The following PTPN11 variants were observed in gnomAD, a reference collection of about 807,000 sequenced individuals.
The protein encoded by PTPN11 is tyrosine-protein phosphatase non-receptor type 11.
A neutral mutation model predicts 78.8 loss-of-function variants in PTPN11; 6 were observed. The ratio of observed to expected loss-of-function variants is 0.08; its 90% CI spans 0.04 to 0.15. The LOEUF is 0.15. Ranked by LOEUF, PTPN11 falls within the 10% of genes least tolerant of loss-of-function variation. The pLI, the probability that PTPN11 is intolerant of heterozygous loss-of-function variation, is 1.00. For synonymous variants in PTPN11, 221 were observed against 263.5 expected (o/e 0.84, Z 1.56); for missense variants, 386 against 744.8 (o/e 0.52, Z 5.61).
At position 112,427,061 on chromosome 12, in the gene PTPN11, G is replaced by A. The variant is rs146628426; in HGVS notation, c.14+7936G>A. Among the ~76,000 whole-genome samples, 807 of 152,182 alleles carry A rather than the reference G, an allele frequency of 5.3e-3. 4 individuals are homozygous for A. The highest frequency in any genetic ancestry group is 7.2e-3 in the Non-Finnish European group (491 of 67,998). ...GGAGTTTGAGACCAGCCTGGGTAAC[G>A]TGGGTGAAACCCTGTCTCTACAGAA... On this transcript the variant is annotated intron_variant, in intron 1 of 15. Transcript: ENST00000351677.
intron 6 of PTPN11, among the ~76,000 whole-genome samples, chr12:112,468,718 G>C (rs1325310479): frequency 6.6e-6 from 1 of 152,160 alleles, no homozygotes; most frequent in Non-Finnish European, 1.5e-5. Context: ...ACTGTGCACT[G>C]TTCAAGCCCC....
chr12:112,443,544 C>T (rs1056636721), intron 1 of PTPN11, among the ~76,000 whole-genome samples: 4 of 151,802 alleles, frequency 2.6e-5, no homozygotes, highest in African/African-American at 4.8e-5. Flanking sequence ...TTTTGTGAGA[C>T]GGGGTTTTGC....
At position 112,482,219 on chromosome 12, in the gene PTPN11, C is replaced by T. The variant is rs753503799; in HGVS notation, c.1224+14C>T. 2.2e-5 allele frequency: 35 copies of T among 1,610,810 alleles called. No individual in the cohort carries two copies. Among genetic ancestry groups the T allele is most frequent in the Middle Eastern group, 1.6e-4 (1 of 6,066 alleles). Reference sequence around the variant, plus strand: ...AAGGTTGGACAAGTAAGTATATTGTCGTATTCTAGAGACTTTGGGAACTGT... The same window carrying T: ...AAGGTTGGACAAGTAAGTATATTGTTGTATTCTAGAGACTTTGGGAACTGT... On this transcript the variant is annotated intron_variant, in intron 10 of 15. Transcript: ENST00000351677. The surrounding 1 kb of genome is among the most constrained non-coding windows in gnomAD (Gnocchi z 4.4).
intron 13 of PTPN11, among the ~76,000 whole-genome samples, chr12:112,495,862 G>GTATTGCT (rs2038807381): frequency 6.6e-6 from 1 of 152,112 alleles, no homozygotes; most frequent in Non-Finnish European, 1.5e-5. Flanking sequence ...CAGAAGGGTT[G>GTATTGCT]TATTGCTTTT....
chr12:112,504,737 G>A lies in PTPN11; in HGVS notation c.1755G>A (p.Leu585=), dbSNP rs747217473. 2 of 1,594,052 alleles carry A rather than the reference G, an allele frequency of 1.3e-6. No individual in the cohort carries two copies. The highest frequency in any genetic ancestry group is 3.3e-5 in the Admixed American group (2 of 59,982). The change falls in exon 15 of 16, where the codon CTG becomes CTA. Residue 585 remains leucine, a synonymous_variant. Transcript: ENST00000351677. The surrounding 1 kb of genome is among the most constrained non-coding windows in gnomAD (Gnocchi z 4.7). ...CTAGAGTCTATGAAAACGTGGGCCT[G>A]ATGCAACAGCAGAAAAGTTTCAGAT... ...DSARVYENVG[L]MQQQKSFR
intron 6 of PTPN11, among the ~76,000 whole-genome samples, chr12:112,458,869 C>G (rs1180898768): frequency 1.3e-5 from 2 of 151,958 alleles, no homozygotes; most frequent in African/African-American, 4.8e-5. Context: ...CCCGTCTCTA[C>G]AAAAAATACA....
Position 112,509,621 on chromosome 12 carries a change from T to C in PTPN11, c.*3829T>C, listed in dbSNP as rs1452264753. Reference sequence around the variant, plus strand: ...TGTCATCATTTTGATGTGAATCATGTAAATGTTGATAATATGCTGTTTATT... The same window carrying C: ...TGTCATCATTTTGATGTGAATCATGCAAATGTTGATAATATGCTGTTTATT... On this transcript the variant is annotated 3_prime_UTR_variant, in exon 16 of 16. Coordinates refer to ENST00000351677, the MANE Select transcript of PTPN11 (RefSeq NM_002834.5). 1 of 152,680 alleles carries C rather than the reference T, an allele frequency of 6.5e-6. No individual in the cohort carries two copies. Among genetic ancestry groups the C allele is most frequent in the Non-Finnish European group, 1.5e-5 (1 of 68,054 alleles). The allele number at this position is 152,680 out of a possible 1,614,324, so 9.5% of individuals were successfully genotyped here. A position where few individuals can be genotyped will look rare whatever the true frequency, so the allele number is the denominator to read the frequency against.
At chr12:112,467,247 CT>C (rs2038344235) in intron 6 of PTPN11, among the ~76,000 whole-genome samples, 1 of 152,076 alleles carries the variant, frequency 6.6e-6, no homozygotes, top group Non-Finnish European at 1.5e-5. Flanking sequence ...CTGTGGATAC[CT>C]TTTAATAGTT....
chr12:112,463,022 C>T (rs2038272235), intron 6 of PTPN11, among the ~76,000 whole-genome samples: 1 of 152,056 alleles, frequency 6.6e-6, no homozygotes, highest in African/African-American at 2.4e-5. Context: ...AACCTTTTAG[C>T]ATAACATTTG....
At chr12:112,445,832 GT>G (rs2037985398) in intron 1 of PTPN11, among the ~76,000 whole-genome samples, 1 of 151,740 alleles carries the variant, frequency 6.6e-6, no homozygotes, top group African/African-American at 2.4e-5. Context: ...GTAGAGATGG[GT>G]TTCTCCATGT....
Position 112,455,995 on chromosome 12 carries a change from G to A in PTPN11, c.688G>A (p.Val230Ile), listed in dbSNP as rs1239878972. 2 of 1,612,888 alleles carry A rather than the reference G, an allele frequency of 1.2e-6. No individual in the cohort carries two copies. The highest frequency in any genetic ancestry group is 1.7e-5 in the Admixed American group (1 of 59,966). ...RINAAEIESR[V>I]RELSKLAETT... ...AAATGCTGCTGAAATAGAAAGCAGA[G>A]TTCGAGAACTAAGCAAATTAGCTGA... is the stretch of plus-strand genomic sequence containing the variant. The change falls in exon 6 of 16, where the codon GTT becomes ATT. Residue 230 changes from valine to isoleucine, a missense_variant. Physicochemically the swap from Val to Ile is conservative, Grantham distance 29. Transcript: ENST00000351677.
At chr12:112,427,765 T>G (rs974999227) in intron 1 of PTPN11, among the ~76,000 whole-genome samples, 1 of 151,928 alleles carries the variant, frequency 6.6e-6, no homozygotes, top group Non-Finnish European at 1.5e-5. Context: ...TTATTTATTT[T>G]TTTTGAGACA....
At chr12:112,450,086 CAA>C (rs369558589) in intron 2 of PTPN11, among the ~76,000 whole-genome samples, 31 of 91,986 alleles carry the variant, frequency 3.4e-4, no homozygotes, top group Admixed American at 3.5e-4. Context: ...AACTCCATCT[CAA>C]AAAAAAAAAA....
In PTPN11 at chr12:112,482,132, G is replaced by A. The variant is rs2135906820; in HGVS notation, c.1151G>A (p.Arg384His). 1.2e-6 allele frequency: 2 copies of A among 1,604,162 alleles called. No homozygotes were observed. The highest frequency in any genetic ancestry group is 1.7e-6 in the Non-Finnish European group (2 of 1,170,960). ...EYALKEYGVM[R>H]VRNVKESAAH... ...GCTCTAAAAGAATATGGCGTCATGCGTGTTAGGAACGTCAAAGAAAGCGCC... is the reference window on the plus strand; with the variant it reads ...GCTCTAAAAGAATATGGCGTCATGCATGTTAGGAACGTCAAAGAAAGCGCC... Residue 384 changes from arginine (R) to histidine (H), a missense_variant, in exon 10 of 16, where the codon CGT becomes CAT. Arg to His is a conservative substitution (Grantham distance 29, BLOSUM62 0). Coordinates refer to ENST00000351677, the MANE Select transcript of PTPN11 (RefSeq NM_002834.5). This position sits in a 1 kb window ranked among gnomAD's most constrained non-coding sequence, Gnocchi z 4.4.
At chr12:112,441,216 G>C (rs1231848942) in intron 1 of PTPN11, among the ~76,000 whole-genome samples, 1 of 150,552 alleles carries the variant, frequency 6.6e-6, no homozygotes, top group Non-Finnish European at 1.5e-5. Context: ...CACCTGCCTC[G>C]GCCTCCCAAA....
At position 112,506,984 on chromosome 12, in the gene PTPN11, GATGATGA is replaced by G; in HGVS notation, c.*1193_*1199del. 3.8e-6 allele frequency: 1 copy of G among 261,364 alleles called. No individual in the cohort carries two copies. Among genetic ancestry groups the G allele is most frequent in the Admixed American group, 3.5e-5 (1 of 28,932 alleles). The allele number at this position is 261,364 out of a possible 1,614,324, so 16.2% of individuals were successfully genotyped here. On this transcript the variant is annotated 3_prime_UTR_variant, in exon 16 of 16. Coordinates refer to ENST00000351677, the MANE Select transcript of PTPN11 (RefSeq NM_002834.5). ...TGATGATGATGATGATGATGATGAT[GATGATGA>G]TGGTTTTTTCTAATCAGAAGAAAGC... is the stretch of plus-strand genomic sequence containing the variant.
At chr12:112,445,822 G>A (rs1349385774) in intron 1 of PTPN11, among the ~76,000 whole-genome samples, 1 of 151,686 alleles carries the variant, frequency 6.6e-6, no homozygotes, top group Non-Finnish European at 1.5e-5. Flanking sequence ...CGTATTTTTA[G>A]TAGAGATGGG....
At chr12:112,419,409 C>T (rs915291772) in intron 1 of PTPN11, among the ~76,000 whole-genome samples, 9 of 152,206 alleles carry the variant, frequency 5.9e-5, no homozygotes, top group Admixed American at 5.9e-4. Flanking sequence ...GCCGAGGGAA[C>T]CACGGGTGCC....
chr12:112,449,440 G>A (rs1033110020), intron 2 of PTPN11, among the ~76,000 whole-genome samples: 40 of 151,876 alleles, frequency 2.6e-4, no homozygotes, highest in Non-Finnish European at 5.6e-4. Context: ...CCGGGACGTG[G>A]AGCTTGCAGT....
Sources: gnomAD v4.1 joint callset for allele counts (sites outside exome capture counted in the v4.1 genomes callset) on GRCh38, gnomAD v4.1.1 for gene constraint, Gnocchi (gnomAD v3.1) non-coding constraint, MANE v1.5 for transcripts, NCBI Gene and HGNC (gene_info 2026-07-23, HGNC 2026-07-21) for gene names.